ADAMTS17: variants seen among roughly 807,000 people sequenced by gnomAD.
The protein encoded by ADAMTS17 is ADAM metallopeptidase with thrombospondin type 1 motif 17, also known as A disintegrin and metalloproteinase with thrombospondin motifs 17.
In ADAMTS17, 113 loss-of-function variants were observed where a neutral mutation model predicts 141.5. The ratio of observed to expected loss-of-function variants is 0.80; its 90% confidence interval spans 0.69 to 0.93. The LOEUF (loss-of-function observed/expected upper bound fraction) is 0.93, where lower values mean the gene tolerates loss of function less well. Ranked by LOEUF, ADAMTS17 falls within the 40% of genes least tolerant of loss-of-function variation. The probability of loss-of-function intolerance (pLI) is 0.00; values close to 1 mark genes in which losing one functional copy is unlikely to be tolerated. For missense variants in ADAMTS17, 1,659 were observed against 1,517.9 expected, an observed-to-expected ratio of 1.09 and a Z score of -1.54; for synonymous variants, 768 against 630.6, an observed-to-expected ratio of 1.22 and a Z score of -3.27.
At chr15:100,296,801 G>C (rs913465411) in intron 3 of ADAMTS17, among the ~76,000 whole-genome samples, 1 of 152,226 alleles carries the variant, frequency 6.6e-6, no homozygotes, top group African/African-American at 2.4e-5. Flanking sequence ...CATGGTTACA[G>C]CCATGTAGAT....
intron 7 of ADAMTS17, among the ~76,000 whole-genome samples, chr15:100,246,555 C>G (rs1391821232): frequency 6.6e-6 from 1 of 152,206 alleles, no homozygotes; most frequent in East Asian, 1.9e-4. Flanking sequence ...AAGCCTTCCC[C>G]TTTGTAACCT....
chr15:100,004,445 C>T (rs760519697), intron 18 of ADAMTS17, among the ~76,000 whole-genome samples: 2 of 152,174 alleles, frequency 1.3e-5, no homozygotes, highest in Non-Finnish European at 2.9e-5. Flanking sequence ...ATCACGTTGA[C>T]TTTAAATCCA....
At chr15:100,222,757 A>G (rs1016695849) in intron 7 of ADAMTS17, among the ~76,000 whole-genome samples, 4 of 152,264 alleles carry the variant, frequency 2.6e-5, no homozygotes, top group African/African-American at 9.6e-5. Flanking sequence ...ACTCCTGCAC[A>G]ACAAGAAACT....
At chr15:100,213,906 A>G (rs1567366383) in intron 7 of ADAMTS17, among the ~76,000 whole-genome samples, 1 of 152,222 alleles carries the variant, frequency 6.6e-6, no homozygotes, top group Non-Finnish European at 1.5e-5. Flanking sequence ...CCTATGTCAA[A>G]GTTATTAAAT....
At chr15:100,262,715 A>G (rs1221957424) in intron 4 of ADAMTS17, among the ~76,000 whole-genome samples, 1 of 151,838 alleles carries the variant, frequency 6.6e-6, no homozygotes, top group Non-Finnish European at 1.5e-5. Context: ...TTGTTCTAAA[A>G]TACAAATTCC....
At chr15:100,202,344 T>A (rs1023623105) in intron 7 of ADAMTS17, among the ~76,000 whole-genome samples, 6 of 152,354 alleles carry the variant, frequency 3.9e-5, no homozygotes, top group South Asian at 2.1e-4. Context: ...TCAGTTTATT[T>A]ACAAGAAATG....
rs150756020 is a variant in ADAMTS17, at chr15:100,158,289, C to A, written c.1182-2969G>T. Among the ~76,000 whole-genome samples, 8 of 152,248 alleles carry A rather than the reference C, an allele frequency of 5.3e-5. No individual in the cohort carries two copies. The East Asian group carries it at 1.5e-3, about 29-fold the overall frequency. On this transcript the variant is annotated intron_variant, in intron 8 of 21. Transcript: ENST00000268070. Reference sequence around the variant, plus strand: ...GAAAATGTTTACTTATACACAAGTGCATGAGAAAGCAATCTCCATTCAGCT... The same window carrying A: ...GAAAATGTTTACTTATACACAAGTGAATGAGAAAGCAATCTCCATTCAGCT...
At chr15:99,992,138 G>C (rs916947862) in intron 20 of ADAMTS17, among the ~76,000 whole-genome samples, 2 of 151,992 alleles carry the variant, frequency 1.3e-5, no homozygotes, top group Admixed American at 6.6e-5. Context: ...ATGTATACCT[G>C]TGTAACAAAC....
chr15:100,285,065 A>G (rs1217265954), intron 3 of ADAMTS17, among the ~76,000 whole-genome samples: 2 of 152,262 alleles, frequency 1.3e-5, no homozygotes, highest in Non-Finnish European at 2.9e-5. Context: ...AGGCAAGCCC[A>G]GCAGTTTCTT....
At chr15:99,974,877 A>C (rs562411793) in intron 21 of ADAMTS17, among the ~76,000 whole-genome samples, 4 of 152,328 alleles carry the variant, frequency 2.6e-5, no homozygotes, top group Admixed American at 2.6e-4. Flanking sequence ...CAAGGGTACC[A>C]TTACTGTAGG....
At chr15:100,244,708 C>T (rs2042934526) in intron 7 of ADAMTS17, among the ~76,000 whole-genome samples, 2 of 152,216 alleles carry the variant, frequency 1.3e-5, no homozygotes, top group South Asian at 4.1e-4. Context: ...TTCCCTGGCT[C>T]TCAGCCTGCG....
At chr15:100,193,782 G>C (rs1235891136) in intron 8 of ADAMTS17, among the ~76,000 whole-genome samples, 2 of 152,230 alleles carry the variant, frequency 1.3e-5, no homozygotes, top group South Asian at 4.1e-4. Context: ...CTACAGGAGA[G>C]GTCAACTCCA....
intron 10 of ADAMTS17, among the ~76,000 whole-genome samples, chr15:100,140,488 C>CATATATATATATATATAAATAT (rs2038579938): frequency 8.0e-6 from 1 of 124,936 alleles, no homozygotes; most frequent in Non-Finnish European, 1.8e-5. Flanking sequence ...CACATACATA[C>CATATATATATATATATAAATAT]ATATATATAT....
In ADAMTS17 at chr15:100,211,147, C is replaced by CA. The variant is rs1275196907; in HGVS notation, c.1076-11725dup. On this transcript the variant is annotated intron_variant, in intron 7 of 21. Transcript: ENST00000268070. ...ATAAATAAATAAATAAATAAAAATA[C>CA]AAAAATTAGCAGGGCATGGTGGCCT... 6.4e-5 allele frequency among the ~76,000 whole-genome samples: 7 copies of CA among 108,662 alleles called. No homozygotes were observed. The East Asian group carries it at 1.6e-3, about 25-fold the overall frequency. 71.3% of individuals were successfully genotyped at this position (108,662 alleles called of 152,430 possible). A position where few individuals can be genotyped will look rare whatever the true frequency, so the allele number is the denominator to read the frequency against.
At chr15:100,200,131 A>G (rs546843745) in intron 7 of ADAMTS17, among the ~76,000 whole-genome samples, 5 of 152,358 alleles carry the variant, frequency 3.3e-5, no homozygotes, top group African/African-American at 1.2e-4. Flanking sequence ...GTCTCCACAC[A>G]CACATGCTCG....
chr15:100,219,589 C>T (rs368341546), intron 7 of ADAMTS17, among the ~76,000 whole-genome samples: 9 of 152,132 alleles, frequency 5.9e-5, no homozygotes, highest in South Asian at 2.1e-4. Context: ...GATCCCAGTT[C>T]GAGGCAAACT....
At chr15:99,977,394 AT>A (rs2060380647) in intron 20 of ADAMTS17, among the ~76,000 whole-genome samples, 2 of 5,344 alleles carry the variant, frequency 3.7e-4, no homozygotes, top group Non-Finnish European at 7.8e-4. Flanking sequence ...ATATATATAT[AT>A]ATATAATTTT....
intron 15 of ADAMTS17, among the ~76,000 whole-genome samples, chr15:100,089,898 G>T (rs1401920198): frequency 6.6e-6 from 1 of 151,006 alleles, no homozygotes; most frequent in Non-Finnish European, 1.5e-5. Flanking sequence ...CGAGTTAATG[G>T]GTGCAGCACA....
At chr15:100,049,685 C>G (rs1268799927) in intron 17 of ADAMTS17, among the ~76,000 whole-genome samples, 1 of 152,216 alleles carries the variant, frequency 6.6e-6, no homozygotes, top group Non-Finnish European at 1.5e-5. Context: ...CTTTGTCAGG[C>G]AGGCTGAGTG....
Sources: allele counts gnomAD v4.1 joint callset (sites outside exome capture counted in the v4.1 genomes callset), GRCh38; gene constraint gnomAD v4.1.1; transcripts MANE v1.5; gene names NCBI Gene and HGNC (gene_info 2026-07-23, HGNC 2026-07-21).